Variants in MICU1 observed in about 807,000 individuals in gnomAD.
The protein encoded by MICU1 is calcium uptake protein 1, mitochondrial.
MICU1 carries 45 observed loss-of-function variants against 56.8 expected under a neutral mutation model. That is an observed-to-expected ratio of 0.79 (90% CI 0.62 to 1.02). MICU1 has a LOEUF of 1.02. Ranked by LOEUF, MICU1 falls within the 50% of genes least tolerant of loss-of-function variation. MICU1 has a pLI of 0.00. For missense variants in MICU1, 504 were observed against 587.1 expected, an observed-to-expected ratio of 0.86 and a Z score of 1.46; for synonymous variants, 186 against 195.1, an observed-to-expected ratio of 0.95 and a Z score of 0.39.
In MICU1 at chr10:72,396,207, G is replaced by A. The variant is rs561741861; in HGVS notation, c.1180+11722C>T. Among the ~76,000 whole-genome samples, 4 of 152,268 alleles carry A rather than the reference G, an allele frequency of 2.6e-5. No individual in the cohort carries two copies. The South Asian group carries it at 8.3e-4, about 32-fold the overall frequency. Reference sequence around the variant, plus strand: ...CAGCTGAGGGACCTGACTGTTAGAAGGAAAACTAACAAACAGAAAGGAATA... The same window carrying A: ...CAGCTGAGGGACCTGACTGTTAGAAAGAAAACTAACAAACAGAAAGGAATA... On this transcript the variant is annotated intron_variant, in intron 10 of 11. Coordinates refer to ENST00000361114, the MANE Select transcript of MICU1 (RefSeq NM_001195518.2).
rs10535513 is a variant in MICU1, at chr10:72,381,963, TACACACACACACACACAC to T, written c.1181-6109_1181-6092del. Among the ~76,000 whole-genome samples the T allele has an allele frequency of 3.3e-4, 46 of 138,452 alleles. 1 individual carries two copies. The highest frequency in any genetic ancestry group is 2.7e-3 in the South Asian group (11 of 4,056). 90.8% of individuals were successfully genotyped at this position (138,452 alleles called of 152,430 possible). The stretch of plus-strand genomic sequence containing the variant: ...AGGAGACTGTGTATATATATATCTA[TACACACACACACACACAC>T]ACACACACACACACACACACACACA... On this transcript the variant is annotated intron_variant, in intron 10 of 11. Coordinates refer to ENST00000361114, the MANE Select transcript of MICU1 (RefSeq NM_001195518.2).
intron 8 of MICU1, among the ~76,000 whole-genome samples, chr10:72,426,433 T>C (rs982038372): frequency 6.6e-6 from 1 of 150,984 alleles, no homozygotes; most frequent in African/African-American, 2.4e-5. Flanking sequence ...GGTCTTGCAC[T>C]GTCACCCAGG....
chr10:72,491,141 G>A (rs1268821082), intron 6 of MICU1, among the ~76,000 whole-genome samples: 1 of 152,180 alleles, frequency 6.6e-6, no homozygotes, highest in Non-Finnish European at 1.5e-5. Context: ...ATGAAACAAT[G>A]CTTAATGCTT....
In MICU1 at chr10:72,578,745, C is replaced by A. The variant is rs377345582; in HGVS notation, c.-1-11951G>T. ...GCCTCAGTCTCCCGAGTAGCTGGGA[C>A]TACAGGCACCTGCCACCACACCCGG... is the stretch of plus-strand genomic sequence containing the variant. On this transcript the variant is annotated intron_variant, in intron 1 of 11. Transcript: ENST00000361114. Among the ~76,000 whole-genome samples the A allele has an allele frequency of 1.9e-4, 29 of 151,988 alleles. No individual in the cohort carries two copies. In the South Asian group the frequency reaches 6.0e-3, roughly 32 times the overall value.
chr10:72,456,977 G>C (rs1865489773), intron 8 of MICU1, among the ~76,000 whole-genome samples: 1 of 150,922 alleles, frequency 6.6e-6, no homozygotes, highest in South Asian at 2.1e-4. Flanking sequence ...GTGTGTGTGT[G>C]TGTGTGTGTT....
chr10:72,508,217 G>A lies in MICU1; in HGVS notation c.590C>T (p.Thr197Ile). The change falls in exon 6 of 12, where the codon ACC (threonine) becomes ATC (isoleucine). Residue 197 changes from threonine (T) to isoleucine (I), a missense_variant. Physicochemically the swap from Thr to Ile is moderately conservative, Grantham distance 89 (BLOSUM62 -1). Coordinates refer to ENST00000361114, the MANE Select transcript of MICU1 (RefSeq NM_001195518.2). ...KFADEGSIFY[T>I]LGECGLISFS... ...GGATATGAGCCCACATTCTCCAAGGGTGTAAAATATACTGCCTTCATCAGC... is the reference window on the plus strand; with the variant it reads ...GGATATGAGCCCACATTCTCCAAGGATGTAAAATATACTGCCTTCATCAGC... 1 of 1,547,614 alleles carries A rather than the reference G, an allele frequency of 6.5e-7. No homozygotes were observed. Among genetic ancestry groups the A allele is most frequent in the South Asian group, 1.3e-5 (1 of 79,720 alleles).
intron 5 of MICU1, chr10:72,532,752 A>G (rs558071829): frequency 5.2e-5 from 28 of 534,692 alleles, no homozygotes; most frequent in Middle Eastern, 9.8e-4. Context: ...GAGGCATTTT[A>G]AGGCACTGTG....
At chr10:72,571,223 G>A (rs1334361662) in intron 1 of MICU1, among the ~76,000 whole-genome samples, 1 of 152,120 alleles carries the variant, frequency 6.6e-6, no homozygotes, top group Non-Finnish European at 1.5e-5. Context: ...AATTAGCTGG[G>A]CCTGGTGGCA....
intron 9 of MICU1, among the ~76,000 whole-genome samples, chr10:72,409,531 T>C (rs948516314): frequency 6.6e-6 from 1 of 152,044 alleles, no homozygotes; most frequent in African/African-American, 2.4e-5. Context: ...CTACAAAAAA[T>C]ATTTAAAAAG....
rs143659735 is a variant in MICU1 at position 72,431,094 on chromosome 10, G to GTCTATCTATCTATCTATCTA, written c.934-7743_934-7724dup. Among the ~76,000 whole-genome samples the GTCTATCTATCTATCTATCTA allele has an allele frequency of 1.5e-3, 218 of 141,434 alleles. 3 individuals are homozygous for GTCTATCTATCTATCTATCTA. The highest frequency in any genetic ancestry group is 2.3e-3 in the Admixed American group (32 of 13,848). 92.8% of individuals were successfully genotyped at this position (141,434 alleles called of 152,430 possible). On this transcript the variant is annotated intron_variant, in intron 8 of 11. Coordinates refer to ENST00000361114, the MANE Select transcript of MICU1 (RefSeq NM_001195518.2). ...GCTTTGAATATACCTTTATCTGTCTGTCTATCTATCTATCTATCTATCTAT... is the reference window on the plus strand; with the variant it reads ...GCTTTGAATATACCTTTATCTGTCTGTCTATCTATCTATCTATCTATCTATCTATCTATCTATCTATCTAT...
At position 72,494,737 on chromosome 10, in the gene MICU1, T is replaced by C. The variant is rs79353914; in HGVS notation, c.652+13418A>G. Reference sequence around the variant, plus strand: ...CATAAGAAGATTGTGAGACTTTTCTTGAATTCCTCCAGCAAGGCTTCGGCT... The same window carrying C: ...CATAAGAAGATTGTGAGACTTTTCTCGAATTCCTCCAGCAAGGCTTCGGCT... On this transcript the variant is annotated intron_variant, in intron 6 of 11. Transcript: ENST00000361114. 1.6e-4 allele frequency among the ~76,000 whole-genome samples: 25 copies of C among 152,176 alleles called. No individual in the cohort carries two copies. In the East Asian group the frequency reaches 4.8e-3, roughly 29 times the overall value.
At chr10:72,430,985 TA>T (rs1287294550) in intron 8 of MICU1, among the ~76,000 whole-genome samples, 3 of 152,222 alleles carry the variant, frequency 2.0e-5, no homozygotes, top group Non-Finnish European at 2.9e-5. Flanking sequence ...TTGTTTTTTT[TA>T]ATCCTCATTA....
At chr10:72,420,144 C>G (rs758339562) in intron 9 of MICU1, among the ~76,000 whole-genome samples, 7 of 152,212 alleles carry the variant, frequency 4.6e-5, no homozygotes, top group Non-Finnish European at 1.0e-4. Context: ...ACCGCAACCT[C>G]TGCCTCCTGG....
At chr10:72,527,912 C>T (rs1397728638) in intron 5 of MICU1, among the ~76,000 whole-genome samples, 1 of 152,122 alleles carries the variant, frequency 6.6e-6, no homozygotes, top group Non-Finnish European at 1.5e-5. Context: ...CTGCAACCTC[C>T]GCCTCTCAGG....
chr10:72,587,839 A>G (rs1841106933), intron 1 of MICU1, among the ~76,000 whole-genome samples: 2 of 152,090 alleles, frequency 1.3e-5, no homozygotes, highest in African/African-American at 4.8e-5. Context: ...AATTTAATAA[A>G]ATACTATTTA....
chr10:72,424,112 TC>T (rs966196424), intron 8 of MICU1, among the ~76,000 whole-genome samples: 18 of 110,042 alleles, frequency 1.6e-4, no homozygotes, highest in Non-Finnish European at 4.2e-4. Flanking sequence ...AGTGACCATT[TC>T]CCCCCCACCT....
intron 6 of MICU1, among the ~76,000 whole-genome samples, chr10:72,486,252 A>C (rs185608969): frequency 6.6e-6 from 1 of 152,334 alleles, no homozygotes; most frequent in African/African-American, 2.4e-5. Flanking sequence ...ATAAGAACAA[A>C]GGCCATTTTC....
At chr10:72,559,902 A>G (rs1840250709) in intron 3 of MICU1, among the ~76,000 whole-genome samples, 1 of 152,096 alleles carries the variant, frequency 6.6e-6, no homozygotes, top group South Asian at 2.1e-4. Flanking sequence ...AGGAGCATGA[A>G]CCCGATTGTG....
intron 5 of MICU1, chr10:72,523,978 G>A: frequency 2.3e-6 from 3 of 1,292,852 alleles, no homozygotes; most frequent in Admixed American, 3.8e-5. Flanking sequence ...ATTTTACTGA[G>A]CAAAGTGCAA....
Sources: gnomAD v4.1 joint callset for allele counts (sites outside exome capture counted in the v4.1 genomes callset) on GRCh38, gnomAD v4.1.1 for gene constraint, MANE v1.5 for transcripts, NCBI Gene and HGNC (gene_info 2026-07-23, HGNC 2026-07-21) for gene names.